FBXO34: variants seen among roughly 807,000 people sequenced by gnomAD.
FBXO34 encodes the protein F-box protein 34.
A neutral mutation model predicts 24.5 loss-of-function variants in FBXO34; 12 were observed. The ratio of observed to expected loss-of-function variants is 0.49; its 90% CI spans 0.31 to 0.79. FBXO34 has a LOEUF of 0.79. Among genes scored for constraint, FBXO34 ranks in the 30% least tolerant of loss-of-function variants. FBXO34 has a pLI of 0.04. For missense variants in FBXO34, 823 were observed against 857.7 expected, an observed-to-expected ratio of 0.96 and a Z score of 0.51; for synonymous variants, 320 against 311.9, an observed-to-expected ratio of 1.03 and a Z score of -0.27.
intron 1 of FBXO34, among the ~76,000 whole-genome samples, chr14:55,329,104 AGGGCTGAG>A (rs957715442): frequency 1.9e-4 from 20 of 106,540 alleles, no homozygotes; most frequent in Non-Finnish European, 3.3e-4. Flanking sequence ...GGCCCAGGAA[AGGGCTGAG>A]GGAGATTTGT....
downstream of FBXO34, among the ~76,000 whole-genome samples, chr14:55,358,290 T>G (rs1428038863): frequency 6.6e-6 from 1 of 152,246 alleles, no homozygotes; most frequent in South Asian, 2.1e-4. Context: ...AAGTCTGTGC[T>G]CCATGCAGGG....
chr14:55,429,179 C>A, the FBXO34 span, among the ~76,000 whole-genome samples: 1 of 152,212 alleles, frequency 6.6e-6, no homozygotes, highest in East Asian at 1.9e-4. Context: ...AGCTGTTGAA[C>A]AGAATCATAA....
downstream of FBXO34, among the ~76,000 whole-genome samples, chr14:55,355,768 C>T (rs1402182517): frequency 6.6e-6 from 1 of 152,236 alleles, no homozygotes; most frequent in Non-Finnish European, 1.5e-5. Context: ...CACAGTGCCT[C>T]ACACAACACA....
At chr14:55,439,633 A>G in the FBXO34 span, among the ~76,000 whole-genome samples, 1 of 68,112 alleles carries the variant, frequency 1.5e-5, no homozygotes, top group Non-Finnish European at 2.9e-5. Flanking sequence ...CGTCTCTACT[A>G]AAAAATACAA....
the FBXO34 span, among the ~76,000 whole-genome samples, chr14:55,412,017 A>G: frequency 2.0e-5 from 3 of 152,048 alleles, no homozygotes; most frequent in Non-Finnish European, 4.4e-5. Flanking sequence ...AAGCAGGGGG[A>G]GAGTTATATT....
the FBXO34 span, among the ~76,000 whole-genome samples, chr14:55,406,666 T>C: frequency 2.0e-5 from 3 of 152,280 alleles, no homozygotes; most frequent in Admixed American, 1.3e-4. Flanking sequence ...GGTCTCGAGA[T>C]TCTTTCACCT....
intron 1 of FBXO34, among the ~76,000 whole-genome samples, chr14:55,322,042 G>A (rs1156662224): frequency 6.6e-6 from 1 of 152,190 alleles, no homozygotes; most frequent in Non-Finnish European, 1.5e-5. Flanking sequence ...ACATCTTTCA[G>A]CTGGGCGTGG....
At chr14:55,376,004 C>T in the FBXO34 span, among the ~76,000 whole-genome samples, 1 of 152,160 alleles carries the variant, frequency 6.6e-6, no homozygotes, top group Non-Finnish European at 1.5e-5. Flanking sequence ...TTATTTAATT[C>T]TCTTTGGCAT....
chr14:55,440,602 G>T, the FBXO34 span: 7 of 1,512,624 alleles, frequency 4.6e-6, no homozygotes, highest in Non-Finnish European at 6.2e-6. Flanking sequence ...CCTGCAGAGG[G>T]CGCGAGAGAA....
the FBXO34 span, among the ~76,000 whole-genome samples, chr14:55,434,152 A>G: frequency 6.6e-6 from 1 of 152,236 alleles, no homozygotes; most frequent in South Asian, 2.1e-4. Context: ...TGGGAAAAAA[A>G]TAAGTATGTT....
intron 1 of FBXO34, among the ~76,000 whole-genome samples, chr14:55,324,625 A>G (rs538441032): frequency 7.8e-4 from 118 of 151,870 alleles, no homozygotes; most frequent in Non-Finnish European, 1.3e-3. Context: ...TTTTTTTCTC[A>G]GTAATATGAT....
chr14:55,312,447 T>G (rs1398597820), intron 1 of FBXO34, among the ~76,000 whole-genome samples: 2 of 152,132 alleles, frequency 1.3e-5, no homozygotes, highest in Non-Finnish European at 2.9e-5. Context: ...GGTGGCCCTC[T>G]TCTCACAGCT....
chr14:55,365,225 C>CA (rs1175120629), downstream of FBXO34, among the ~76,000 whole-genome samples: 3,647 of 88,338 alleles, frequency 0.041, 123 homozygotes, highest in East Asian at 0.15. Context: ...TCTATCATCT[C>CA]AAAAAAAAAA....
intron 1 of FBXO34, among the ~76,000 whole-genome samples, chr14:55,284,062 G>C (rs938294998): frequency 6.6e-6 from 1 of 151,680 alleles, no homozygotes; most frequent in African/African-American, 2.4e-5. Context: ...GCAGTGGCAC[G>C]GTCATAGCTT....
At chr14:55,402,947 AT>A in the FBXO34 span, among the ~76,000 whole-genome samples, 2 of 73,808 alleles carry the variant, frequency 2.7e-5, no homozygotes, top group East Asian at 3.7e-4. Context: ...ATATATATAT[AT>A]ATATATATAT....
intron 1 of FBXO34, among the ~76,000 whole-genome samples, chr14:55,286,220 G>C (rs2139663163): frequency 6.6e-6 from 1 of 152,116 alleles, no homozygotes; most frequent in South Asian, 2.1e-4. Flanking sequence ...AGACTTCTTG[G>C]TTTATTAAAG....
chr14:55,315,515 G>A (rs1882897861), intron 1 of FBXO34, among the ~76,000 whole-genome samples: 1 of 152,128 alleles, frequency 6.6e-6, no homozygotes, highest in South Asian at 2.1e-4. Context: ...GGCAGAACAG[G>A]TTCTCCAAGT....
chr14:55,323,195 A>T (rs373461415), intron 1 of FBXO34, among the ~76,000 whole-genome samples: 75 of 36,962 alleles, frequency 2.0e-3, no homozygotes, highest in African/African-American at 3.1e-3. Context: ...AAAAAAAAAA[A>T]AAAAAAAAAA....
chr14:55,351,794 T>G lies in FBXO34; in HGVS notation c.1404T>G (p.Pro468=). 6.2e-7 allele frequency: 1 copy of G among 1,614,178 alleles called. No homozygotes were observed. The highest frequency in any genetic ancestry group is 8.5e-7 in the Non-Finnish European group (1 of 1,180,024). ...ITVSKVDKDQ[P]SILNSCEDPV... ...TGTCCAAGGTAGACAAAGACCAGCC[T>G]TCCATTTTAAACTCCTGTGAAGACC... Residue 468 remains proline, a synonymous_variant, in exon 2 of 2, where the codon CCT becomes CCG. Coordinates refer to ENST00000313833, the MANE Select transcript of FBXO34 (RefSeq NM_017943.4).
Sources: gnomAD v4.1 joint callset for allele counts (sites outside exome capture counted in the v4.1 genomes callset) on GRCh38, gnomAD v4.1.1 for gene constraint, MANE v1.5 for transcripts, NCBI Gene and HGNC (gene_info 2026-07-23, HGNC 2026-07-21) for gene names.